The following AGBL1 variants were observed in gnomAD, a reference collection of about 807,000 sequenced individuals.
The protein encoded by AGBL1 is AGBL carboxypeptidase 1, also known as cytosolic carboxypeptidase 4.
In AGBL1, 130 loss-of-function variants were observed where a neutral mutation model predicts 118.9. The observed-to-expected ratio is 1.09, with a 90% CI of 0.95 to 1.26. The LOEUF is 1.26. Ranked by LOEUF, AGBL1 falls within the 50% of genes most tolerant of loss-of-function variation. The pLI is 0.00. For missense variants in AGBL1, 1,584 were observed against 1,298.1 expected (o/e 1.22, Z -3.38); for synonymous variants, 555 against 478.9 (o/e 1.16, Z -2.08).
At chr15:86,335,168 C>T (rs1296752616) in intron 17 of AGBL1, among the ~76,000 whole-genome samples, 9 of 150,020 alleles carry the variant, frequency 6.0e-5, no homozygotes, top group South Asian at 2.1e-4. Context: ...GACGGAGTTT[C>T]GCTCTTGTTG....
chr15:86,625,379 G>GTT (rs1199638580), intron 21 of AGBL1, among the ~76,000 whole-genome samples: 13 of 59,470 alleles, frequency 2.2e-4, no homozygotes, highest in African/African-American at 1.1e-3. Context: ...TTTTTTTTTT[G>GTT]TTTTTGTTTT....
intron 5 of AGBL1, among the ~76,000 whole-genome samples, chr15:86,193,039 T>C (rs942965657): frequency 7.9e-5 from 12 of 152,150 alleles, no homozygotes; most frequent in Middle Eastern, 3.2e-3. Flanking sequence ...AAAAAAGTAT[T>C]TTTTAGAAAA....
intron 19 of AGBL1, among the ~76,000 whole-genome samples, chr15:86,535,470 T>C (rs1028549349): frequency 6.6e-6 from 1 of 152,330 alleles, no homozygotes; most frequent in African/African-American, 2.4e-5. Context: ...CTGGCCCCTG[T>C]GCTGTTCAAG....
At chr15:86,745,264 T>C (rs6496358) in intron 22 of AGBL1, among the ~76,000 whole-genome samples, 80,591 of 151,862 alleles carry the variant, frequency 0.53, 22,058 homozygotes, top group East Asian at 0.67. Context: ...TTTCTGAATA[T>C]ATTAACCTTG....
intron 22 of AGBL1, among the ~76,000 whole-genome samples, chr15:86,699,368 A>G (rs571670179): frequency 1.4e-3 from 217 of 152,214 alleles, no homozygotes; most frequent in African/African-American, 5.1e-3. Context: ...GCAATTAATA[A>G]TGTAAAAACA....
intron 24 of AGBL1, among the ~76,000 whole-genome samples, chr15:87,024,184 T>C (rs1263337845): frequency 6.6e-6 from 1 of 151,576 alleles, no homozygotes; most frequent in East Asian, 1.9e-4. Context: ...AAAAGATAAA[T>C]GAAACAAAAA....
chr15:86,892,180 A>G (rs2141559513), intron 22 of AGBL1, among the ~76,000 whole-genome samples: 1 of 152,164 alleles, frequency 6.6e-6, no homozygotes, highest in East Asian at 1.9e-4. Context: ...TCTTTTCCTC[A>G]TTAACCCACT....
intron 17 of AGBL1, among the ~76,000 whole-genome samples, chr15:86,350,415 G>A (rs1047714238): frequency 3.3e-5 from 5 of 152,324 alleles, no homozygotes; most frequent in Admixed American, 1.3e-4. Flanking sequence ...GAAAGGTGAT[G>A]AGCCCATGTT....
At chr15:86,785,122 C>A (rs1231599191) in intron 22 of AGBL1, among the ~76,000 whole-genome samples, 1 of 152,050 alleles carries the variant, frequency 6.6e-6, no homozygotes, top group Non-Finnish European at 1.5e-5. Context: ...ACTCTCTGCC[C>A]TTTCCATCCC....
At chr15:86,368,665 A>G (rs890625130) in intron 17 of AGBL1, among the ~76,000 whole-genome samples, 2 of 152,188 alleles carry the variant, frequency 1.3e-5, no homozygotes, top group African/African-American at 4.8e-5. Context: ...GGAATGGGAT[A>G]AAATATTTCT....
In AGBL1 at chr15:86,695,711, CT is replaced by C. The variant is rs112007454; in HGVS notation, c.3158+21280del. 5.8e-3 allele frequency among the ~76,000 whole-genome samples: 876 copies of C among 151,972 alleles called. 6 individuals carry two copies. The highest frequency in any genetic ancestry group is 0.02 in the African/African-American group (816 of 41,514). On this transcript the variant is annotated intron_variant, in intron 22 of 22. Coordinates refer to ENST00000614907, the MANE Select transcript of AGBL1 (RefSeq NM_001386094.1). ...GATTGCCTATTTGTGCTTTCTTAGA[CT>C]TTTTGATGTAGGCATTTAAGATTAT...
chr15:86,802,085 C>T (rs1362239929), intron 22 of AGBL1, among the ~76,000 whole-genome samples: 1 of 152,020 alleles, frequency 6.6e-6, no homozygotes, highest in Non-Finnish European at 1.5e-5. Flanking sequence ...TTAAATTTGC[C>T]GAGTTCTTTT....
Position 86,615,461 on chromosome 15 carries a change from T to C in AGBL1, c.2995-58812T>C, listed in dbSNP as rs2881458. On this transcript the variant is annotated intron_variant, in intron 21 of 22. Coordinates refer to ENST00000614907, the MANE Select transcript of AGBL1 (RefSeq NM_001386094.1). The surrounding 1 kb of genome is among the most constrained non-coding windows in gnomAD (Gnocchi z 4.3). ...GATTATTTGATGGTTACTGTGGCTTTAACTAAAATAGGCAACACAAATTGC... is the reference window on the plus strand; with the variant it reads ...GATTATTTGATGGTTACTGTGGCTTCAACTAAAATAGGCAACACAAATTGC... Among the ~76,000 whole-genome samples the C allele has an allele frequency of 0.33, 50,001 of 152,104 alleles. 9,952 individuals carry two copies. Among genetic ancestry groups the C allele is most frequent in the Middle Eastern group, 0.43 (126 of 290 alleles).
At chr15:86,109,589 A>C (rs1186851793) in intron 1 of AGBL1, among the ~76,000 whole-genome samples, 1 of 152,268 alleles carries the variant, frequency 6.6e-6, no homozygotes, top group Non-Finnish European at 1.5e-5. Flanking sequence ...CAATTAAAGA[A>C]AAATTTCTTT....
chr15:86,411,435 G>T (rs1233684348), intron 18 of AGBL1, among the ~76,000 whole-genome samples: 1 of 152,126 alleles, frequency 6.6e-6, no homozygotes, highest in African/African-American at 2.4e-5. Context: ...TGGCAGTCTG[G>T]AGTTTCTAAG....
At chr15:86,481,107 A>G (rs188511950) in intron 18 of AGBL1, among the ~76,000 whole-genome samples, 151 of 149,126 alleles carry the variant, frequency 1.0e-3, no homozygotes, top group African/African-American at 3.7e-3. Context: ...CAACTTGAAC[A>G]TAACAGTTGA....
chr15:86,254,827 C>G (rs942382036), intron 7 of AGBL1, among the ~76,000 whole-genome samples: 1 of 152,164 alleles, frequency 6.6e-6, no homozygotes, highest in African/African-American at 2.4e-5. Context: ...GAAATGTTGA[C>G]AAAGGAATTC....
chr15:86,335,453 G>A (rs923054178), intron 17 of AGBL1, among the ~76,000 whole-genome samples: 3 of 152,076 alleles, frequency 2.0e-5, no homozygotes, highest in Non-Finnish European at 2.9e-5. Context: ...TGAGAAGTTC[G>A]AAGAAGCTTC....
At chr15:87,009,193 T>C (rs1211696188) in intron 24 of AGBL1, among the ~76,000 whole-genome samples, 1 of 152,058 alleles carries the variant, frequency 6.6e-6, no homozygotes, top group Non-Finnish European at 1.5e-5. Flanking sequence ...TTTCATGGGC[T>C]CAGTACAGGG....
Sources: allele counts gnomAD v4.1 joint callset (sites outside exome capture counted in the v4.1 genomes callset), GRCh38; gene constraint gnomAD v4.1.1; non-coding constraint Gnocchi (gnomAD v3.1); transcripts MANE v1.5; gene names NCBI Gene and HGNC (gene_info 2026-07-23, HGNC 2026-07-21).